Variants in GPR158 observed in about 807,000 individuals in gnomAD.
GPR158 encodes G protein-coupled receptor 158.
GPR158 carries 30 observed loss-of-function variants against 78.2 expected under a neutral mutation model. That is an observed-to-expected ratio of 0.38 (90% CI 0.29 to 0.52). The LOEUF (loss-of-function observed/expected upper bound fraction) is 0.52. Ranked by LOEUF, GPR158 falls within the 20% of genes least tolerant of loss-of-function variation. The probability of loss-of-function intolerance (pLI) is 0.83; values close to 1 mark genes in which losing one functional copy is unlikely to be tolerated. For synonymous variants in GPR158, 581 were observed against 591.1 expected, an observed-to-expected ratio of 0.98 and a Z score of 0.25; for missense variants, 1,463 against 1,523.5, an observed-to-expected ratio of 0.96 and a Z score of 0.66.
Position 25,598,277 on chromosome 10 carries a change from A to G in GPR158, c.2651A>G (p.Asn884Ser), listed in dbSNP as rs778703388. The G allele has an allele frequency of 1.2e-6, 2 of 1,613,910 alleles. No homozygotes were observed. Among genetic ancestry groups the G allele is most frequent in the East Asian group, 2.2e-5 (1 of 44,868 alleles). ...GTGTGCAAGTCAGCAAGCGCTCACA[A>G]CCTCAGCTCAGAGAAGAAAACTGGG... is the stretch of plus-strand genomic sequence containing the variant. ...PLVCKSASAHNLSSEKKTGHP... is the reference protein window; with the variant it reads ...PLVCKSASAHSLSSEKKTGHP... Residue 884 changes from asparagine to serine, a missense_variant, in exon 11 of 11, where the codon AAC (asparagine) becomes AGC (serine). By Grantham distance (46) the Asn-to-Ser change is conservative. Coordinates refer to ENST00000376351, the MANE Select transcript of GPR158 (RefSeq NM_020752.3).
At chr10:25,515,292 T>G (rs971141719) in intron 5 of GPR158, among the ~76,000 whole-genome samples, 1 of 152,128 alleles carries the variant, frequency 6.6e-6, no homozygotes, top group Non-Finnish European at 1.5e-5. Flanking sequence ...TAGCTGAGAC[T>G]TTCCAGTGCA....
chr10:25,253,786 G>A (rs560923988), intron 2 of GPR158, among the ~76,000 whole-genome samples: 9 of 152,202 alleles, frequency 5.9e-5, no homozygotes, highest in African/African-American at 1.7e-4. Context: ...ATAATTCTTT[G>A]AAAGAGAAGC....
chr10:25,267,064 T>C (rs1239630985), intron 2 of GPR158, among the ~76,000 whole-genome samples: 2 of 152,174 alleles, frequency 1.3e-5, no homozygotes, highest in Non-Finnish European at 2.9e-5. Context: ...TATTCCTCTT[T>C]AAATTTCAAT....
chr10:25,305,972 G>A (rs945043340), intron 2 of GPR158, among the ~76,000 whole-genome samples: 3 of 152,146 alleles, frequency 2.0e-5, no homozygotes, highest in Non-Finnish European at 2.9e-5. Context: ...AATGATTCAT[G>A]TATTTTCATT....
At chr10:25,536,135 C>A (rs1030659854) in intron 5 of GPR158, among the ~76,000 whole-genome samples, 7 of 152,068 alleles carry the variant, frequency 4.6e-5, no homozygotes, top group African/African-American at 1.7e-4. Flanking sequence ...CAGCTCCTTT[C>A]CACCTGACTA....
chr10:25,472,554 A>G (rs957818969), intron 5 of GPR158, among the ~76,000 whole-genome samples: 1 of 152,236 alleles, frequency 6.6e-6, no homozygotes, highest in African/African-American at 2.4e-5. Context: ...TGCCTTGGGC[A>G]GTATGGCCAT....
In GPR158 at chr10:25,466,671, T is replaced by A; in HGVS notation, c.1356T>A (p.Leu452=). 1 of 1,607,366 alleles carries A rather than the reference T, an allele frequency of 6.2e-7. No individual in the cohort carries two copies. Among genetic ancestry groups the A allele is most frequent in the South Asian group, 1.1e-5 (1 of 90,206 alleles). The change falls in exon 5 of 11, where the codon CTT becomes CTA. Residue 452 remains leucine, a synonymous_variant. Transcript: ENST00000376351. ...RKAKSIRASG[L]ILLETILFGS... is the part of the protein sequence containing the mutation. ...TTCAGAGCATCCGGGCATCGGGCCTTATCCTGTTGGAAACGATCCTTTTTG... is the reference window on the plus strand; with the variant it reads ...TTCAGAGCATCCGGGCATCGGGCCTAATCCTGTTGGAAACGATCCTTTTTG...
chr10:25,407,778 T>G (rs1834533859), intron 3 of GPR158, among the ~76,000 whole-genome samples: 1 of 152,206 alleles, frequency 6.6e-6, no homozygotes, highest in South Asian at 2.1e-4. Context: ...TCCCAGCCAC[T>G]ATCAAGTCTC....
chr10:25,332,792 T>A (rs1260252871), intron 2 of GPR158, among the ~76,000 whole-genome samples: 1 of 152,182 alleles, frequency 6.6e-6, no homozygotes, highest in East Asian at 1.9e-4. Flanking sequence ...CTTAAAAAAA[T>A]TCGACACTAA....
intron 5 of GPR158, among the ~76,000 whole-genome samples, chr10:25,512,594 C>T (rs547850554): frequency 6.6e-6 from 1 of 152,058 alleles, no homozygotes; most frequent in Non-Finnish European, 1.5e-5. Context: ...AGTGGTCAGC[C>T]TTGTCTTGTG....
At chr10:25,261,934 T>C (rs940150752) in intron 2 of GPR158, among the ~76,000 whole-genome samples, 1 of 152,124 alleles carries the variant, frequency 6.6e-6, no homozygotes, top group Non-Finnish European at 1.5e-5. Context: ...TTTATGACCC[T>C]CTTTAATGTA....
rs568753035 is a variant in GPR158, at chr10:25,454,336, C to T, written c.1336-12315C>T. Reference sequence around the variant, plus strand: ...GCTATTTTGTCTTCCAAGTCCGACCCGGAGGAGAAATGATTAAATTACTCT... The same window carrying T: ...GCTATTTTGTCTTCCAAGTCCGACCTGGAGGAGAAATGATTAAATTACTCT... On this transcript the variant is annotated intron_variant, in intron 4 of 10. Coordinates refer to ENST00000376351, the MANE Select transcript of GPR158 (RefSeq NM_020752.3). 1.9e-4 allele frequency among the ~76,000 whole-genome samples: 12 copies of T among 63,730 alleles called. No homozygotes were observed. In the South Asian group the frequency reaches 5.0e-3, roughly 26 times the overall value. The allele number at this position is 63,730 out of a possible 152,430, so 41.8% of individuals were successfully genotyped here. A position where few individuals can be genotyped will look rare whatever the true frequency, so the allele number is the denominator to read the frequency against.
chr10:25,598,030 T>C lies in GPR158; in HGVS notation c.2404T>C (p.Ser802Pro). Residue 802 changes from serine (S) to proline (P), a missense_variant, in exon 11 of 11, where the codon TCC (serine) becomes CCC (proline). Physicochemically the swap from Ser to Pro is moderately conservative, Grantham distance 74. Transcript: ENST00000376351. ...PPESSGNTGK[S>P]KEETLKNRVF... ...AGAGTCTTCAGGGAACACAGGGAAA[T>C]CCAAGGAGGAGACCCTGAAAAACCG... 1 of 1,613,826 alleles carries C rather than the reference T, an allele frequency of 6.2e-7. No homozygotes were observed. Among genetic ancestry groups the C allele is most frequent in the African/African-American group, 1.3e-5 (1 of 74,962 alleles).
rs1161621012 is a variant in GPR158, at chr10:25,597,821, A to C, written c.2195A>C (p.Lys732Thr). Reference protein sequence around the residue: ...YAQLEIYKRKKMITNNPHLQK... With the variant: ...YAQLEIYKRKTMITNNPHLQK... Reference sequence around the variant, plus strand: ...CAACTGGAAATATATAAAAGAAAGAAGATGATCACAAACAACCCCCACCTC... The same window carrying C: ...CAACTGGAAATATATAAAAGAAAGACGATGATCACAAACAACCCCCACCTC... Residue 732 changes from lysine to threonine, a missense_variant, in exon 11 of 11, where the codon AAG (lysine) becomes ACG (threonine). By Grantham distance (78) the Lys-to-Thr change is moderately conservative. Transcript: ENST00000376351. 2.0e-6 allele frequency: 3 copies of C among 1,523,346 alleles called. No individual in the cohort carries two copies. Among genetic ancestry groups the C allele is most frequent in the Non-Finnish European group, 2.6e-6 (3 of 1,138,462 alleles). 94.4% of individuals were successfully genotyped at this position (1,523,346 alleles called of 1,614,324 possible). A position where few individuals can be genotyped will look rare whatever the true frequency, so the allele number is the denominator to read the frequency against.
chr10:25,469,724 C>T (rs1265529511), intron 5 of GPR158, among the ~76,000 whole-genome samples: 1 of 129,980 alleles, frequency 7.7e-6, no homozygotes, highest in Non-Finnish European at 1.5e-5. Context: ...GTGGAGGTTG[C>T]AGTGAGCCGA....
intron 2 of GPR158, among the ~76,000 whole-genome samples, chr10:25,307,931 C>G (rs1013217511): frequency 1.3e-5 from 2 of 152,060 alleles, no homozygotes; most frequent in African/African-American, 2.4e-5. Context: ...GATTACTTAT[C>G]AAAACACATA....
intron 1 of GPR158, among the ~76,000 whole-genome samples, chr10:25,188,012 A>G (rs1276977690): frequency 6.6e-6 from 1 of 152,250 alleles, no homozygotes; most frequent in Non-Finnish European, 1.5e-5. Context: ...GAGCCAAATT[A>G]TGAGTGAACT....
intron 2 of GPR158, among the ~76,000 whole-genome samples, chr10:25,372,222 G>A (rs1834005590): frequency 1.3e-5 from 2 of 151,944 alleles, no homozygotes; most frequent in African/African-American, 4.8e-5. Context: ...GTGCTGGAGA[G>A]GATGTGGAGA....
intron 2 of GPR158, among the ~76,000 whole-genome samples, chr10:25,324,699 T>G (rs947415125): frequency 3.3e-5 from 5 of 152,204 alleles, no homozygotes; most frequent in African/African-American, 1.2e-4. Context: ...ACATGCAGTA[T>G]CTGTGAAGCA....
Sources: allele counts gnomAD v4.1 joint callset (sites outside exome capture counted in the v4.1 genomes callset), GRCh38; gene constraint gnomAD v4.1.1; transcripts MANE v1.5; gene names NCBI Gene and HGNC (gene_info 2026-07-23, HGNC 2026-07-21).